PPIF: variants seen among roughly 807,000 people sequenced by gnomAD.
PPIF encodes peptidylprolyl isomerase F, also known as peptidyl-prolyl cis-trans isomerase F, mitochondrial.
In PPIF, 23 loss-of-function variants were observed where a neutral mutation model predicts 20.2. The observed-to-expected ratio is 1.14, with a 90% CI of 0.82 to 1.61. The LOEUF is 1.61. Among genes scored for constraint, PPIF ranks in the 40% most tolerant of loss-of-function variants. The probability of loss-of-function intolerance (pLI) is 0.00; values close to 1 mark genes in which losing one functional copy is unlikely to be tolerated. For synonymous variants in PPIF, 113 were observed against 123.1 expected, an observed-to-expected ratio of 0.92 and a Z score of 0.54; for missense variants, 287 against 291.6, an observed-to-expected ratio of 0.98 and a Z score of 0.11.
rs1255497620 is a variant in PPIF, at chr10:79,347,607, T to A, written c.59T>A (p.Val20Glu). 4 of 1,436,056 alleles carry A rather than the reference T, an allele frequency of 2.8e-6. No individual in the cohort carries two copies. The African/African-American group carries it at 5.9e-5, about 21-fold the overall frequency. The allele number at this position is 1,436,056 out of a possible 1,614,324, so 89.0% of individuals were successfully genotyped here. ...WLGLLSVPRSVPLRLPAARAC... is the reference protein window; with the variant it reads ...WLGLLSVPRSEPLRLPAARAC... Reference sequence around the variant, plus strand: ...GGCCTGCTCTCCGTCCCGCGCTCCGTGCCGCTGCGCCTCCCCGCGGCCCGC... The same window carrying A: ...GGCCTGCTCTCCGTCCCGCGCTCCGAGCCGCTGCGCCTCCCCGCGGCCCGC... The change falls in exon 1 of 6, where the codon GTG becomes GAG. Residue 20 changes from valine (V) to glutamate (E), a missense_variant. Val to Glu is a moderately radical substitution (Grantham distance 121). Transcript: ENST00000225174.
intron 4 of PPIF, 45 bp from the exon 5 acceptor site, chr10:79,352,272 G>A: frequency 6.4e-7 from 1 of 1,564,292 alleles, no homozygotes; most frequent in Non-Finnish European, 8.8e-7. Context: ...CTCCCAGGCA[G>A]GTGCCTCCAG....
chr10:79,349,359 G>A (rs970860538), intron 2 of PPIF, among the ~76,000 whole-genome samples: 4 of 152,226 alleles, frequency 2.6e-5, no homozygotes, highest in African/African-American at 7.2e-5. Context: ...AAATTTCCCG[G>A]AGACTTCCCC....
At chr10:79,347,961 G>A (rs892598446) in intron 1 of PPIF, among the ~76,000 whole-genome samples, 2 of 152,056 alleles carry the variant, frequency 1.3e-5, no homozygotes, top group African/African-American at 4.8e-5. Flanking sequence ...GAGGGCACGT[G>A]TGGAGGAGAA....
At chr10:79,351,329 C>A (rs1344367371) in intron 3 of PPIF, among the ~76,000 whole-genome samples, 158 bp from the exon 4 acceptor site, 1 of 144,720 alleles carries the variant, frequency 6.9e-6, no homozygotes. Flanking sequence ...GCTTATTATT[C>A]TTATTATTAG....
intron 1 of PPIF, among the ~76,000 whole-genome samples, chr10:79,348,023 C>G (rs1034094949): frequency 6.6e-6 from 1 of 151,710 alleles, no homozygotes; most frequent in Non-Finnish European, 1.5e-5. Context: ...TGGGCCGGCC[C>G]GGGCACGAGG....
At position 79,347,542 on chromosome 10, in the gene PPIF, GC is replaced by G; in HGVS notation, c.-4del. 1 of 1,298,556 alleles carries G rather than the reference GC, an allele frequency of 7.7e-7. No individual in the cohort carries two copies. The highest frequency in any genetic ancestry group is 9.7e-7 in the Non-Finnish European group (1 of 1,028,328). The allele number at this position is 1,298,556 out of a possible 1,614,324, so 80.4% of individuals were successfully genotyped here. ...CCCGCCCGTGTCCCGCCCGACCCGC[GC>G]CCGCGATGCTGGCGCTGCGCTGCGG... On this transcript the variant is annotated 5_prime_UTR_variant, in exon 1 of 6. Coordinates refer to ENST00000225174, the MANE Select transcript of PPIF (RefSeq NM_005729.4).
Position 79,352,362 on chromosome 10 carries a change from A to G in PPIF, c.458A>G (p.Gln153Arg). Residue 153 changes from glutamine (Q) to arginine (R), a missense_variant, in exon 5 of 6, where the codon CAG (glutamine) becomes CGG (arginine). Physicochemically the swap from Gln to Arg is conservative, Grantham distance 43. Coordinates refer to ENST00000225174, the MANE Select transcript of PPIF (RefSeq NM_005729.4). ...GCTGGTCCTAACACCAACGGCTCCC[A>G]GTTCTTCATCTGCACCATAAAGACA... ...ANAGPNTNGS[Q>R]FFICTIKTDW... 3 of 1,614,150 alleles carry G rather than the reference A, an allele frequency of 1.9e-6. No individual in the cohort carries two copies. Among genetic ancestry groups the G allele is most frequent in the African/African-American group, 1.3e-5 (1 of 75,020 alleles).
rs2233722 is a variant in PPIF at position 79,353,594 on chromosome 10, A to T, written c.489-113A>T. The T allele has an allele frequency of 2.6e-3, 4,073 of 1,572,550 alleles. 101 individuals carry two copies. The African/African-American group carries it at 0.05, about 19-fold the overall frequency. ...CTTTGGGGGTAGATCTAGCTATTCC[A>T]TGGGGATTCTTTTCAGAATTGCTGT... On this transcript the variant is annotated intron_variant, in intron 5 of 5. Coordinates refer to ENST00000225174, the MANE Select transcript of PPIF (RefSeq NM_005729.4).
At chr10:79,349,858 T>C in intron 3 of PPIF, 105 bp downstream of exon 3, 1 of 1,546,264 alleles carries the variant, frequency 6.5e-7, no homozygotes. Context: ...GCAGCTGCAG[T>C]TGCTCTGTCA....
intron 5 of PPIF, 132 bp downstream of exon 5, chr10:79,352,524 T>C: frequency 3.5e-6 from 3 of 858,356 alleles, no homozygotes; most frequent in Middle Eastern, 2.3e-4. Context: ...TCCCAGGCTG[T>C]GTGTTTGTAT....
intron 5 of PPIF, among the ~76,000 whole-genome samples, chr10:79,353,344 C>A (rs35008901): frequency 6.6e-6 from 1 of 152,214 alleles, no homozygotes; most frequent in East Asian, 1.9e-4. Context: ...CATTCATGAC[C>A]GTTAACGTGG....
chr10:79,350,284 A>G (rs757546850), intron 3 of PPIF, among the ~76,000 whole-genome samples: 2 of 152,122 alleles, frequency 1.3e-5, no homozygotes, highest in Non-Finnish European at 2.9e-5. Context: ...AAGCATTGGT[A>G]TTGCTGTGTC....
chr10:79,353,784 C>G lies in PPIF; in HGVS notation c.566C>G (p.Ser189Cys), dbSNP rs1856013336. The change falls in exon 6 of 6, where the codon TCT (serine) becomes TGT (cysteine). Residue 189 changes from serine (S) to cysteine (C), a missense_variant. Coordinates refer to ENST00000225174, the MANE Select transcript of PPIF (RefSeq NM_005729.4). ...GTGAAGAAAATAGAATCTTTCGGCT[C>G]TAAGAGTGGGAGGACATCCAAGAAG... is the stretch of plus-strand genomic sequence containing the variant. Reference protein sequence around the residue: ...DVVKKIESFGSKSGRTSKKIV... With the variant: ...DVVKKIESFGCKSGRTSKKIV... 1.2e-6 allele frequency: 2 copies of G among 1,614,122 alleles called. No homozygotes were observed. The highest frequency in any genetic ancestry group is 1.7e-6 in the Non-Finnish European group (2 of 1,180,048).
At chr10:79,350,776 A>C (rs1855971660) in intron 3 of PPIF, among the ~76,000 whole-genome samples, 1 of 152,166 alleles carries the variant, frequency 6.6e-6, no homozygotes, top group Admixed American at 6.5e-5. Flanking sequence ...CCTAATTGAC[A>C]CCTGTGGATG....
chr10:79,353,585 A>G (rs1191924910), intron 5 of PPIF, 122 bp from the exon 6 acceptor site: 72 of 1,547,788 alleles, frequency 4.7e-5, no homozygotes, highest in Non-Finnish European at 4.1e-5. Context: ...GGGTAGATCT[A>G]GCTATTCCAT....
intron 3 of PPIF, among the ~76,000 whole-genome samples, chr10:79,350,682 G>T (rs1399240079): frequency 6.6e-6 from 1 of 152,240 alleles, no homozygotes; most frequent in Non-Finnish European, 1.5e-5. Flanking sequence ...AGCGCGGGAG[G>T]GCTCCCTGGC....
In PPIF at chr10:79,351,565, C is replaced by G. The variant is rs759707546; in HGVS notation, c.394C>G (p.Leu132Val). Residue 132 changes from leucine (L) to valine (V), a missense_variant, in exon 4 of 6, where the codon CTG becomes GTG. Leu to Val is a conservative substitution (Grantham distance 32, BLOSUM62 1). Coordinates refer to ENST00000225174, the MANE Select transcript of PPIF (RefSeq NM_005729.4). ...CCGCTTTCCTGACGAGAACTTTACA[C>G]TGAAGCACGTGGGGCCAGGTGAGTG... ...GSRFPDENFT[L>V]KHVGPGVLSM... is the part of the protein sequence containing the mutation. 15 of 1,614,146 alleles carry G rather than the reference C, an allele frequency of 9.3e-6. No homozygotes were observed. The highest frequency in any genetic ancestry group is 1.3e-5 in the Non-Finnish European group (15 of 1,179,978).
At chr10:79,349,971 G>C (rs41274620) in intron 3 of PPIF, 41 of 1,007,834 alleles carry the variant, frequency 4.1e-5, no homozygotes, top group Admixed American at 8.9e-5. Flanking sequence ...GGCCCTGCCC[G>C]GGGGACTGGG....
intron 3 of PPIF, among the ~76,000 whole-genome samples, chr10:79,350,555 T>C (rs1021143533): frequency 5.3e-5 from 8 of 152,194 alleles, no homozygotes; most frequent in Non-Finnish European, 1.0e-4. Flanking sequence ...ACTGGACGTC[T>C]ATGTGCGGCG....
Sources: gnomAD v4.1 joint callset for allele counts (sites outside exome capture counted in the v4.1 genomes callset) on GRCh38, gnomAD v4.1.1 for gene constraint, MANE v1.5 for transcripts, NCBI Gene and HGNC (gene_info 2026-07-23, HGNC 2026-07-21) for gene names.